Variants in ZFHX4 observed in about 807,000 individuals in gnomAD.
ZFHX4 encodes the protein zinc finger homeobox 4.
ZFHX4 carries 56 observed loss-of-function variants against 267.6 expected under a neutral mutation model. That is an observed-to-expected ratio of 0.21 (90% confidence interval 0.17 to 0.26). The LOEUF (loss-of-function observed/expected upper bound fraction) is 0.26, where lower values mean the gene tolerates loss of function less well. Among genes scored for constraint, ZFHX4 ranks in the 10% least tolerant of loss-of-function variants. The pLI is 1.00. For missense variants in ZFHX4, 4,332 were observed against 4,420.0 expected (o/e 0.98, Z 0.56); for synonymous variants, 1,778 against 1,665.6 (o/e 1.07, Z -1.64).
At chr8:76,782,851 G>T (rs185384292) in intron 4 of ZFHX4, among the ~76,000 whole-genome samples, 1 of 151,936 alleles carries the variant, frequency 6.6e-6, no homozygotes, top group African/African-American at 2.4e-5. Context: ...TTGTTAAAAC[G>T]ATTCTTTAAC....
chr8:76,780,911 A>G (rs996389668), intron 4 of ZFHX4, among the ~76,000 whole-genome samples: 1 of 152,122 alleles, frequency 6.6e-6, no homozygotes, highest in Non-Finnish European at 1.5e-5. Context: ...ATAATAAAAT[A>G]TATTTCTTTA....
At position 76,707,660 on chromosome 8, in the gene ZFHX4, A is replaced by T. The variant is rs1808313553; in HGVS notation, c.2705A>T (p.Lys902Met). 6 of 1,613,756 alleles carry T rather than the reference A, an allele frequency of 3.7e-6. No homozygotes were observed. Among genetic ancestry groups the T allele is most frequent in the Non-Finnish European group, 5.1e-6 (6 of 1,179,890 alleles). ...LSPYISDPAL[K>M]LFQCAVCNKF... ...CCTTATATCAGTGACCCAGCGCTGA[A>T]GCTATTCCAGTGTGCTGTTTGCAAC... Residue 902 changes from lysine (K) to methionine (M), a missense_variant, in exon 3 of 11, where the codon AAG becomes ATG. By Grantham distance (95) the Lys-to-Met change is moderately conservative (BLOSUM62 -1). Around this residue, in one of 7 missense-constraint regions of ZFHX4, gnomAD observed 1,195 missense variants for 1,173.6 expected, o/e 1.02. Coordinates refer to ENST00000651372, the MANE Select transcript of ZFHX4 (RefSeq NM_024721.5).
rs780735383 is a variant in ZFHX4 at position 76,851,286 on chromosome 8, A to G, written c.4365A>G (p.Glu1455=). 5.0e-6 allele frequency: 8 copies of G among 1,613,826 alleles called. No individual in the cohort carries two copies. Among genetic ancestry groups the G allele is most frequent in the Non-Finnish European group, 5.9e-6 (7 of 1,179,840 alleles). The change falls in exon 10 of 11, where the codon GAA becomes GAG. Residue 1455 remains glutamate, a synonymous_variant. Transcript: ENST00000651372. ...EAGHPELSEA[E]LQQLYASLPV... ...GCCACCCTGAACTGAGTGAAGCTGA[A>G]CTTCAACAGCTATATGCCTCCTTGC...
chr8:76,829,806 G>A lies in ZFHX4; in HGVS notation c.3326-3532G>A, dbSNP rs887001286. Among the ~76,000 whole-genome samples, 18 of 152,180 alleles carry A rather than the reference G, an allele frequency of 1.2e-4. No individual in the cohort carries two copies. The South Asian group carries it at 1.2e-3, about 11-fold the overall frequency. ...TGCACTCCGGCCTGGGTTACAGAGCGAGACTCCATTTAAGGAATGGGAACC... is the reference window on the plus strand; with the variant it reads ...TGCACTCCGGCCTGGGTTACAGAGCAAGACTCCATTTAAGGAATGGGAACC... On this transcript the variant is annotated intron_variant, in intron 4 of 10. Transcript: ENST00000651372.
chr8:76,719,978 CT>C (rs1366927468), intron 3 of ZFHX4, among the ~76,000 whole-genome samples: 1 of 152,104 alleles, frequency 6.6e-6, no homozygotes, highest in Non-Finnish European at 1.5e-5. Flanking sequence ...TTTGCCTCCA[CT>C]TCATTTTTTT....
rs1812983198 is a variant in ZFHX4, at chr8:76,864,672, A to G, written c.*107A>G. On this transcript the variant is annotated 3_prime_UTR_variant, in exon 11 of 11. Coordinates refer to ENST00000651372, the MANE Select transcript of ZFHX4 (RefSeq NM_024721.5). The stretch of plus-strand genomic sequence containing the variant: ...GCTTCTCTAACCCAAAAATTACAGT[A>G]CCAAATGATTGACTCAGGATTGTTT... The G allele has an allele frequency of 1.3e-6, 1 of 757,678 alleles. No homozygotes were observed. The highest frequency in any genetic ancestry group is 2.8e-5 in the East Asian group (1 of 35,562). 46.9% of individuals were successfully genotyped at this position (757,678 alleles called of 1,614,324 possible).
chr8:76,808,983 C>T lies in ZFHX4; in HGVS notation c.3326-24355C>T, dbSNP rs75081857. 5.3e-4 allele frequency among the ~76,000 whole-genome samples: 80 copies of T among 151,236 alleles called. 1 individual carries two copies. The highest frequency in any genetic ancestry group is 1.8e-3 in the African/African-American group (76 of 41,292). On this transcript the variant is annotated intron_variant, in intron 4 of 10. Coordinates refer to ENST00000651372, the MANE Select transcript of ZFHX4 (RefSeq NM_024721.5). Reference sequence around the variant, plus strand: ...CACCACACCTTATTTTCCTTTAATACCAGGGTTGTTTTTTTCTGTTACATC... The same window carrying T: ...CACCACACCTTATTTTCCTTTAATATCAGGGTTGTTTTTTTCTGTTACATC...
intron 3 of ZFHX4, among the ~76,000 whole-genome samples, chr8:76,742,472 G>T (rs1004101034): frequency 6.6e-6 from 1 of 152,054 alleles, no homozygotes; most frequent in Non-Finnish European, 1.5e-5. Flanking sequence ...TGAATTTTTA[G>T]AAGGCCTGAG....
intron 3 of ZFHX4, among the ~76,000 whole-genome samples, chr8:76,738,602 C>A (rs892769362): frequency 9.4e-6 from 1 of 106,388 alleles, no homozygotes; most frequent in Non-Finnish European, 2.0e-5. Flanking sequence ...CTTTCTTTTT[C>A]CTTCCTTCCT....
chr8:76,695,623 T>C (rs1228682303), intron 1 of ZFHX4, among the ~76,000 whole-genome samples: 7 of 152,254 alleles, frequency 4.6e-5, no homozygotes, highest in Non-Finnish European at 5.9e-5. Flanking sequence ...GAAGTTCTTA[T>C]CTTTGATAGA....
chr8:76,854,087 C>G lies in ZFHX4; in HGVS notation c.7166C>G (p.Thr2389Ser), dbSNP rs748618310. ...PAASSGSGTS[T>S]PLIPSPKPEP... is the part of the protein sequence containing the mutation. ...GCAAGTTCTGGCTCTGGGACCAGCA[C>G]CCCCCTGATTCCATCACCCAAACCA... The change falls in exon 10 of 11, where the codon ACC becomes AGC. Residue 2389 changes from threonine to serine, a missense_variant. This residue lies in a region of ZFHX4 where 1,648 missense variants were observed against 1,625.0 expected (regional missense o/e 1.01). Coordinates refer to ENST00000651372, the MANE Select transcript of ZFHX4 (RefSeq NM_024721.5). 7 of 1,613,758 alleles carry G rather than the reference C, an allele frequency of 4.3e-6. No individual in the cohort carries two copies. Among genetic ancestry groups the G allele is most frequent in the Non-Finnish European group, 5.1e-6 (6 of 1,179,862 alleles).
chr8:76,692,248 A>C (rs1807844495), intron 1 of ZFHX4, among the ~76,000 whole-genome samples: 2 of 152,168 alleles, frequency 1.3e-5, no homozygotes, highest in African/African-American at 4.8e-5. Flanking sequence ...TAAATACAAT[A>C]ATAGAAATGA....
At chr8:76,720,912 T>A (rs1240349686) in intron 3 of ZFHX4, among the ~76,000 whole-genome samples, 1 of 152,170 alleles carries the variant, frequency 6.6e-6, no homozygotes, top group African/African-American at 2.4e-5. Context: ...GTAGTAACAG[T>A]GATAACTCAG....
At chr8:76,831,314 G>A (rs1244078909) in intron 4 of ZFHX4, among the ~76,000 whole-genome samples, 2 of 152,136 alleles carry the variant, frequency 1.3e-5, no homozygotes, top group Non-Finnish European at 2.9e-5. Context: ...TGTGTATGTG[G>A]GGGTAGTGGT....
At chr8:76,766,114 T>C (rs780695940) in intron 3 of ZFHX4, among the ~76,000 whole-genome samples, 79 of 152,120 alleles carry the variant, frequency 5.2e-4, no homozygotes, top group Middle Eastern at 6.8e-3. Flanking sequence ...TGAAAAATGA[T>C]TATACATAAT....
intron 3 of ZFHX4, among the ~76,000 whole-genome samples, chr8:76,756,662 T>A (rs141636944): frequency 6.6e-6 from 1 of 152,290 alleles, no homozygotes; most frequent in Admixed American, 6.5e-5. Flanking sequence ...ACAATTGCCC[T>A]CTTGTCAACT....
intron 4 of ZFHX4, among the ~76,000 whole-genome samples, chr8:76,781,448 C>T (rs541700262): frequency 8.6e-5 from 13 of 151,928 alleles, no homozygotes; most frequent in Admixed American, 5.9e-4. Context: ...GTCTTCAAAA[C>T]GACAAAACAA....
At chr8:76,708,189 A>T (rs775110675) in intron 3 of ZFHX4, 141 bp downstream of exon 3, 2 of 1,039,234 alleles carry the variant, frequency 1.9e-6, no homozygotes, top group East Asian at 2.5e-5. Flanking sequence ...TCTGATTAAC[A>T]TTATAAAAAC....
At chr8:76,777,354 C>T (rs572769640) in intron 3 of ZFHX4, among the ~76,000 whole-genome samples, 2 of 152,156 alleles carry the variant, frequency 1.3e-5, no homozygotes, top group African/African-American at 4.8e-5. Flanking sequence ...GTCAGCAGAG[C>T]TTGCGAAACA....
Sources: gnomAD v4.1 joint callset for allele counts (sites outside exome capture counted in the v4.1 genomes callset) on GRCh38, gnomAD v4.1.1 for gene constraint, gnomAD v4.1.1 regional missense constraint, MANE v1.5 for transcripts, NCBI Gene and HGNC (gene_info 2026-07-23, HGNC 2026-07-21) for gene names.